Variants in CRISPLD2 observed in about 807,000 individuals in gnomAD.
CRISPLD2 encodes cysteine rich secretory protein LCCL domain containing 2, also known as cysteine-rich secretory protein LCCL domain-containing 2.
CRISPLD2 carries 47 observed loss-of-function variants against 71.1 expected under a neutral mutation model. The ratio of observed to expected loss-of-function variants is 0.66; its 90% CI spans 0.52 to 0.84. The LOEUF is 0.84. Ranked by LOEUF, CRISPLD2 falls within the 40% of genes least tolerant of loss-of-function variation. The probability of loss-of-function intolerance (pLI) is 0.00; values close to 1 mark genes in which losing one functional copy is unlikely to be tolerated. For synonymous variants in CRISPLD2, 317 were observed against 250.1 expected, an observed-to-expected ratio of 1.27 and a Z score of -2.52; for missense variants, 830 against 651.1, an observed-to-expected ratio of 1.27 and a Z score of -2.99.
intron 1 of CRISPLD2, among the ~76,000 whole-genome samples, chr16:84,836,634 C>T (rs1006273247): frequency 3.9e-5 from 6 of 152,188 alleles, no homozygotes; most frequent in Non-Finnish European, 8.8e-5. Context: ...AGCTCTTTGG[C>T]TCAGCCTCTG....
intron 11 of CRISPLD2, among the ~76,000 whole-genome samples, chr16:84,875,529 A>G (rs1156445497): frequency 6.7e-6 from 1 of 148,694 alleles, no homozygotes; most frequent in Admixed American, 6.9e-5. Context: ...CCAAAAGATT[A>G]GACACCCTTG....
chr16:84,865,021 G>A (rs1027291000), intron 6 of CRISPLD2, among the ~76,000 whole-genome samples: 1 of 152,206 alleles, frequency 6.6e-6, no homozygotes, highest in Non-Finnish European at 1.5e-5. Flanking sequence ...AGGGAGTCAG[G>A]CATTTGCCCC....
chr16:84,830,439 C>G (rs1916459932), intron 1 of CRISPLD2, among the ~76,000 whole-genome samples: 1 of 152,174 alleles, frequency 6.6e-6, no homozygotes, highest in Non-Finnish European at 1.5e-5. Context: ...CATGGTGGCT[C>G]ACGCCTGTAA....
chr16:84,848,395 G>C (rs776251198), intron 3 of CRISPLD2, among the ~76,000 whole-genome samples: 4 of 151,230 alleles, frequency 2.6e-5, no homozygotes, highest in Non-Finnish European at 5.9e-5. Flanking sequence ...AAACCACTTT[G>C]TTTATACTTG....
chr16:84,885,781 T>C (rs1033137240), intron 13 of CRISPLD2, among the ~76,000 whole-genome samples: 2 of 151,964 alleles, frequency 1.3e-5, no homozygotes, highest in Admixed American at 1.3e-4. Flanking sequence ...AATAGGCTTA[T>C]GATTGTTAAT....
intron 7 of CRISPLD2, among the ~76,000 whole-genome samples, chr16:84,867,477 C>A (rs188492290): frequency 6.6e-6 from 1 of 152,342 alleles, no homozygotes; most frequent in Non-Finnish European, 1.5e-5. Context: ...AGAGATGCCA[C>A]ATCAAGGTTG....
intron 14 of CRISPLD2, among the ~76,000 whole-genome samples, chr16:84,892,286 G>A (rs989328993): frequency 4.6e-5 from 7 of 152,212 alleles, no homozygotes; most frequent in African/African-American, 1.7e-4. Context: ...CTGCGTCTGA[G>A]CAGGTCCTCG....
intron 11 of CRISPLD2, 43 bp from the exon 12 acceptor site, chr16:84,877,395 G>T (rs1305432841): frequency 1.3e-6 from 2 of 1,583,526 alleles, no homozygotes; most frequent in African/African-American, 1.3e-5. Flanking sequence ...TGAGGCCCAG[G>T]CGTGCTGGGA....
chr16:84,889,158 A>T, intron 13 of CRISPLD2, 72 bp from the exon 14 acceptor site: 2 of 1,604,444 alleles, frequency 1.2e-6, no homozygotes, highest in South Asian at 2.2e-5. Context: ...GCAGTGAATG[A>T]TGGAGCCCCA....
Position 84,873,013 on chromosome 16 carries a change from G to A in CRISPLD2, c.1003G>A (p.Ala335Thr), listed in dbSNP as rs759809994. ...CCAGTCGTCTAGCATATGCCGCGCCGCCATCCACTACGGGATCCTGGATGA... is the reference window on the plus strand; with the variant it reads ...CCAGTCGTCTAGCATATGCCGCGCCACCATCCACTACGGGATCCTGGATGA... The part of the protein sequence containing the change: ...YESSSSICRA[A>T]IHYGILDDKG... Residue 335 changes from alanine to threonine, a missense_variant, in exon 10 of 15, where the codon GCC (alanine) becomes ACC (threonine). Physicochemically the swap from Ala to Thr is moderately conservative, Grantham distance 58 (BLOSUM62 0). Transcript: ENST00000262424. 39 of 1,613,020 alleles carry A rather than the reference G, an allele frequency of 2.4e-5. No individual in the cohort carries two copies. Among genetic ancestry groups the A allele is most frequent in the Admixed American group, 1.0e-4 (6 of 59,858 alleles).
chr16:84,884,869 C>G (rs142345275), intron 13 of CRISPLD2, among the ~76,000 whole-genome samples: 212 of 152,338 alleles, frequency 1.4e-3, no homozygotes, highest in Non-Finnish European at 2.4e-3. Flanking sequence ...TGGCAGCTCT[C>G]AACCAGGAGG....
chr16:84,885,935 C>T (rs2071609305), intron 13 of CRISPLD2, among the ~76,000 whole-genome samples: 1 of 151,698 alleles, frequency 6.6e-6, no homozygotes. Flanking sequence ...CCTCCCACCT[C>T]AGCCACCCGT....
At chr16:84,879,699 T>A (rs1358407076) in intron 12 of CRISPLD2, among the ~76,000 whole-genome samples, 1 of 151,736 alleles carries the variant, frequency 6.6e-6, no homozygotes, top group Non-Finnish European at 1.5e-5. Context: ...ACACCCTTTC[T>A]CTCTACCCAC....
intron 6 of CRISPLD2, among the ~76,000 whole-genome samples, chr16:84,855,630 A>G (rs1917217833): frequency 2.0e-5 from 3 of 152,194 alleles, no homozygotes; most frequent in Admixed American, 2.0e-4. Context: ...CCTCACAGAC[A>G]CACCCAGGAT....
intron 14 of CRISPLD2, among the ~76,000 whole-genome samples, chr16:84,892,488 A>T (rs1261285298): frequency 6.6e-6 from 1 of 152,148 alleles, no homozygotes; most frequent in Non-Finnish European, 1.5e-5. Flanking sequence ...TTCTGGACAC[A>T]TAGAGGGATT....
intron 13 of CRISPLD2, 29 bp from the exon 14 acceptor site, chr16:84,889,201 G>A (rs1178907457): frequency 4.3e-6 from 7 of 1,613,572 alleles, no homozygotes; most frequent in South Asian, 1.1e-5. Flanking sequence ...AATCCGCATC[G>A]CTGATCACAG....
At chr16:84,827,199 A>G (rs2143138327) in intron 1 of CRISPLD2, among the ~76,000 whole-genome samples, 1 of 138,142 alleles carries the variant, frequency 7.2e-6, no homozygotes, top group Non-Finnish European at 1.5e-5. Context: ...CCTGGTTTGG[A>G]CTTGACTTAA....
chr16:84,872,761 G>A (rs1028915603), intron 9 of CRISPLD2, among the ~76,000 whole-genome samples: 1 of 152,176 alleles, frequency 6.6e-6, no homozygotes, highest in Non-Finnish European at 1.5e-5. Flanking sequence ...GGGAGAAAGG[G>A]ATGTTTGTCA....
chr16:84,880,701 T>A, intron 13 of CRISPLD2, 117 bp downstream of exon 13: 1 of 575,818 alleles, frequency 1.7e-6, no homozygotes, highest in Non-Finnish European at 3.0e-6. Context: ...CTAAATTAAT[T>A]AATTAATTAA....
Sources: gnomAD v4.1 joint callset for allele counts (sites outside exome capture counted in the v4.1 genomes callset) on GRCh38, gnomAD v4.1.1 for gene constraint, MANE v1.5 for transcripts, NCBI Gene and HGNC (gene_info 2026-07-23, HGNC 2026-07-21) for gene names.